ASPRV1: variants seen among roughly 807,000 people sequenced by gnomAD.
ASPRV1 encodes the protein aspartic peptidase retroviral like 1, also known as retroviral-like aspartic protease 1.
Under a neutral mutation model 11.0 loss-of-function variants are expected in ASPRV1, and 7 were observed. That is an observed-to-expected ratio of 0.64 (90% CI 0.36 to 1.20). The LOEUF (loss-of-function observed/expected upper bound fraction) is 1.20. ASPRV1 is among the 50% of genes most tolerant of loss of function. The pLI is 0.02. For missense variants in ASPRV1, 299 were observed against 320.0 expected (o/e 0.93, Z 0.50); for synonymous variants, 136 against 138.4 (o/e 0.98, Z 0.12).
the ASPRV1 span, among the ~76,000 whole-genome samples, chr2:70,075,673 C>A: frequency 4.6e-5 from 7 of 151,874 alleles, no homozygotes; most frequent in Non-Finnish European, 7.4e-5. Flanking sequence ...ATCGAGAAAC[C>A]CTGTCTCTAC....
chr2:70,007,055 T>C, the ASPRV1 span, among the ~76,000 whole-genome samples: 2 of 152,216 alleles, frequency 1.3e-5, no homozygotes, highest in African/African-American at 2.4e-5. Context: ...ACCTATCTCT[T>C]GGGCTGCTAC....
chr2:70,064,214 A>C, the ASPRV1 span, among the ~76,000 whole-genome samples: 1 of 152,212 alleles, frequency 6.6e-6, no homozygotes, highest in Non-Finnish European at 1.5e-5. Context: ...GAAGAATGAC[A>C]ATGAACCAAG....
the ASPRV1 span, among the ~76,000 whole-genome samples, chr2:69,967,300 C>T: frequency 3.3e-5 from 5 of 152,256 alleles, 1 homozygote; most frequent in Middle Eastern, 0.01. Flanking sequence ...TGGAGTCTTC[C>T]GGGCAAGATG....
chr2:69,978,502 G>A, the ASPRV1 span, among the ~76,000 whole-genome samples: 1 of 152,328 alleles, frequency 6.6e-6, no homozygotes, highest in African/African-American at 2.4e-5. Flanking sequence ...AAGCAGTTAT[G>A]CGGATTAAAG....
the ASPRV1 span, among the ~76,000 whole-genome samples, chr2:69,982,074 T>C: frequency 6.6e-6 from 1 of 151,692 alleles, no homozygotes; most frequent in Non-Finnish European, 1.5e-5. Context: ...CATCCATCCA[T>C]CCATCCATCC....
the ASPRV1 span, among the ~76,000 whole-genome samples, chr2:70,057,312 T>C: frequency 6.6e-6 from 1 of 152,062 alleles, no homozygotes; most frequent in African/African-American, 2.4e-5. Flanking sequence ...TATACAGAGT[T>C]TCTCCTCTTT....
At chr2:69,956,036 G>C (rs557299681), downstream of ASPRV1, among the ~76,000 whole-genome samples, 1 of 152,268 alleles carries the variant, frequency 6.6e-6, no homozygotes, top group African/African-American at 2.4e-5. Context: ...GCTGGTACAG[G>C]GAAGGGACAA....
At chr2:70,025,671 C>T in the ASPRV1 span, among the ~76,000 whole-genome samples, 1 of 152,178 alleles carries the variant, frequency 6.6e-6, no homozygotes, top group Non-Finnish European at 1.5e-5. Context: ...AAACCATCTA[C>T]CTTGCTCAAA....
the ASPRV1 span, among the ~76,000 whole-genome samples, chr2:69,933,220 A>C: frequency 2.6e-4 from 38 of 147,274 alleles, no homozygotes; most frequent in African/African-American, 4.0e-4. Context: ...AAAAAAAAAA[A>C]AAAACAAAAA....
At chr2:70,076,248 A>G in the ASPRV1 span, among the ~76,000 whole-genome samples, 1 of 152,272 alleles carries the variant, frequency 6.6e-6, no homozygotes, top group East Asian at 1.9e-4. Flanking sequence ...TCAACCTACT[A>G]AGGTGATGCA....
At chr2:70,024,252 G>A in the ASPRV1 span, among the ~76,000 whole-genome samples, 1 of 152,162 alleles carries the variant, frequency 6.6e-6, no homozygotes, top group Non-Finnish European at 1.5e-5. Flanking sequence ...GGATGAGAAG[G>A]AGAATAGTTT....
the ASPRV1 span, among the ~76,000 whole-genome samples, chr2:69,997,211 G>A: frequency 6.8e-6 from 1 of 147,182 alleles, no homozygotes; most frequent in Non-Finnish European, 1.5e-5. Flanking sequence ...AAAAATGGAC[G>A]CAGGCCTTTG....
the ASPRV1 span, chr2:70,048,931 T>C: frequency 6.6e-6 from 1 of 152,354 alleles, no homozygotes; most frequent in Non-Finnish European, 1.5e-5. Flanking sequence ...CCCTCTCTTC[T>C]TATGACAACA....
chr2:70,057,938 C>T, the ASPRV1 span, among the ~76,000 whole-genome samples: 5 of 152,004 alleles, frequency 3.3e-5, no homozygotes, highest in South Asian at 2.1e-4. Context: ...GGACTACAGG[C>T]GCATGCCACC....
At chr2:69,948,104 C>T in the ASPRV1 span, among the ~76,000 whole-genome samples, 1 of 146,336 alleles carries the variant, frequency 6.8e-6, no homozygotes, top group South Asian at 2.2e-4. Context: ...AAAAATTAGC[C>T]GAGGTAGTGG....
the ASPRV1 span, among the ~76,000 whole-genome samples, chr2:70,067,685 A>G: frequency 3.3e-5 from 5 of 152,198 alleles, no homozygotes. Flanking sequence ...AAAACAAAAA[A>G]TAATACTTTA....
At chr2:70,024,005 C>A in the ASPRV1 span, among the ~76,000 whole-genome samples, 958 of 150,708 alleles carry the variant, frequency 6.4e-3, 9 homozygotes, top group African/African-American at 0.022. Flanking sequence ...AATCCTAGCA[C>A]TTTAGGAGGC....
the ASPRV1 span, chr2:69,994,342 T>A: frequency 6.6e-6 from 1 of 152,388 alleles, no homozygotes; most frequent in Non-Finnish European, 1.5e-5. Context: ...CTCTTACGTG[T>A]CTAGTGTGTT....
At chr2:70,051,199 T>C in the ASPRV1 span, 1 of 152,174 alleles carries the variant, frequency 6.6e-6, no homozygotes, top group Non-Finnish European at 1.5e-5. Context: ...GGTAAATGAC[T>C]TACCTAAGGT....
Sources: gnomAD v4.1 joint callset for allele counts (sites outside exome capture counted in the v4.1 genomes callset) on GRCh38, gnomAD v4.1.1 for gene constraint, MANE v1.5 for transcripts, NCBI Gene and HGNC (gene_info 2026-07-23, HGNC 2026-07-21) for gene names.